GRIA1: variants seen among roughly 807,000 people sequenced by gnomAD.
GRIA1 encodes the protein glutamate receptor 1.
In GRIA1, 31 loss-of-function variants were observed where a neutral mutation model predicts 99.2. The ratio of observed to expected loss-of-function variants is 0.31; its 90% CI spans 0.23 to 0.42. GRIA1 has a LOEUF of 0.42. Ranked by LOEUF, GRIA1 falls within the 10% of genes least tolerant of loss-of-function variation. GRIA1 has a pLI of 1.00. For synonymous variants in GRIA1, 438 were observed against 432.4 expected (o/e 1.01, Z -0.16); for missense variants, 782 against 1,157.5 (o/e 0.68, Z 4.71).
intron 4 of GRIA1, among the ~76,000 whole-genome samples, chr5:153,654,369 A>G (rs894343292): frequency 2.6e-5 from 4 of 152,156 alleles, no homozygotes; most frequent in Non-Finnish European, 4.4e-5. Flanking sequence ...TGTGGGGACA[A>G]TATTTCTCCA....
chr5:153,787,843 G>A (rs1254944655), intron 13 of GRIA1, among the ~76,000 whole-genome samples: 1 of 152,092 alleles, frequency 6.6e-6, no homozygotes, highest in East Asian at 1.9e-4. Flanking sequence ...CACTTTGGGA[G>A]GCTGAGGTGG....
chr5:153,790,407 A>T (rs1765225592), intron 13 of GRIA1, among the ~76,000 whole-genome samples: 1 of 152,156 alleles, frequency 6.6e-6, no homozygotes, highest in Non-Finnish European at 1.5e-5. Context: ...AGAGAACAAA[A>T]CATTCCACAT....
chr5:153,794,407 A>G (rs893515594), intron 13 of GRIA1, among the ~76,000 whole-genome samples: 1 of 152,200 alleles, frequency 6.6e-6, no homozygotes, highest in Non-Finnish European at 1.5e-5. Context: ...TTAGGTTACA[A>G]TGACGCCTCT....
At chr5:153,639,001 G>A (rs1030009029) in intron 2 of GRIA1, among the ~76,000 whole-genome samples, 3 of 152,180 alleles carry the variant, frequency 2.0e-5, no homozygotes, top group African/African-American at 7.2e-5. Context: ...CAGAGCCTAC[G>A]GCCGAGAAAC....
chr5:153,770,727 A>G (rs985704518), intron 13 of GRIA1, among the ~76,000 whole-genome samples: 1 of 152,148 alleles, frequency 6.6e-6, no homozygotes, highest in Non-Finnish European at 1.5e-5. Flanking sequence ...GTAACACCCC[A>G]TCCTTTACCA....
chr5:153,706,364 T>C lies in GRIA1; in HGVS notation c.1823+297T>C, dbSNP rs1758897772. The stretch of plus-strand genomic sequence containing the variant: ...GTACAGAGGAAAGAAGGGAGCATTG[T>C]GTGGTACAACTAACACTTATGGAGC... On this transcript the variant is annotated intron_variant, in intron 11 of 15. Transcript: ENST00000285900. Among the ~76,000 whole-genome samples, 4 of 152,210 alleles carry C rather than the reference T, an allele frequency of 2.6e-5. No homozygotes were observed. The South Asian group carries it at 8.3e-4, about 31-fold the overall frequency.
In GRIA1 at chr5:153,788,555, C is replaced by T. The variant is rs142589026; in HGVS notation, c.2271-6066C>T. 7.2e-5 allele frequency among the ~76,000 whole-genome samples: 11 copies of T among 152,356 alleles called. No individual in the cohort carries two copies. The East Asian group carries it at 2.1e-3, about 29-fold the overall frequency. On this transcript the variant is annotated intron_variant, in intron 13 of 15. Coordinates refer to ENST00000285900, the MANE Select transcript of GRIA1 (RefSeq NM_000827.4). The stretch of plus-strand genomic sequence containing the variant: ...ATCTCTTATCACCCAACCCTCTTCT[C>T]TCTCTAGTCTCCGCTTAAATGTCAC...
intron 2 of GRIA1, among the ~76,000 whole-genome samples, chr5:153,613,043 G>A (rs971237938): frequency 3.9e-5 from 6 of 152,168 alleles, no homozygotes; most frequent in African/African-American, 1.4e-4. Flanking sequence ...GTTCCTCTGG[G>A]CTCTGGAAGG....
chr5:153,510,527 G>T (rs902655920), intron 2 of GRIA1, among the ~76,000 whole-genome samples: 3 of 152,100 alleles, frequency 2.0e-5, no homozygotes, highest in Non-Finnish European at 4.4e-5. Flanking sequence ...GAAAAAGAGT[G>T]CATGAAAGAG....
chr5:153,700,297 A>C (rs1222999798), intron 10 of GRIA1, among the ~76,000 whole-genome samples: 1 of 152,220 alleles, frequency 6.6e-6, no homozygotes, highest in Non-Finnish European at 1.5e-5. Context: ...AGGCAGGAGA[A>C]TCACTTGAAC....
chr5:153,763,668 T>G (rs1249186417), intron 11 of GRIA1, among the ~76,000 whole-genome samples: 1 of 152,232 alleles, frequency 6.6e-6, no homozygotes, highest in Admixed American at 6.5e-5. Flanking sequence ...ATCAGAGAGA[T>G]AACAGTGGAA....
chr5:153,527,887 A>T (rs1413640402), intron 2 of GRIA1, among the ~76,000 whole-genome samples: 1 of 152,216 alleles, frequency 6.6e-6, no homozygotes, highest in East Asian at 1.9e-4. Context: ...GCAGTCCTTG[A>T]TCAATTTCGT....
chr5:153,673,865 G>C (rs775386050), intron 5 of GRIA1, among the ~76,000 whole-genome samples: 8 of 152,194 alleles, frequency 5.3e-5, no homozygotes, highest in Non-Finnish European at 1.0e-4. Context: ...ATGGTTGCTG[G>C]AATTGATCAG....
chr5:153,628,033 G>A (rs957017495), intron 2 of GRIA1, among the ~76,000 whole-genome samples: 10 of 152,190 alleles, frequency 6.6e-5, no homozygotes, highest in Admixed American at 5.2e-4. Flanking sequence ...CATAACAAAC[G>A]TCTAAGCAGC....
At chr5:153,493,552 A>G (rs1754122476) in intron 1 of GRIA1, among the ~76,000 whole-genome samples, 1 of 152,118 alleles carries the variant, frequency 6.6e-6, no homozygotes, top group South Asian at 2.1e-4. Flanking sequence ...AAAATTAGAC[A>G]TGACTAGAGG....
chr5:153,582,288 C>T (rs1200131228), intron 2 of GRIA1, among the ~76,000 whole-genome samples: 1 of 152,152 alleles, frequency 6.6e-6, no homozygotes, highest in Non-Finnish European at 1.5e-5. Context: ...TTATAGCATT[C>T]AAGGGTTTTA....
intron 2 of GRIA1, among the ~76,000 whole-genome samples, chr5:153,524,164 T>G (rs1352007546): frequency 2.0e-5 from 3 of 152,060 alleles, no homozygotes; most frequent in Non-Finnish European, 4.4e-5. Context: ...CTGTCTCCAC[T>G]AAAAATACAA....
intron 11 of GRIA1, among the ~76,000 whole-genome samples, chr5:153,718,321 C>A (rs1018192509): frequency 3.3e-5 from 5 of 152,102 alleles, no homozygotes; most frequent in African/African-American, 1.2e-4. Flanking sequence ...ATGATCTGGG[C>A]TGGCTTATGG....
At chr5:153,754,434 C>T (rs1448407049) in intron 11 of GRIA1, among the ~76,000 whole-genome samples, 6 of 152,024 alleles carry the variant, frequency 3.9e-5, no homozygotes, top group Admixed American at 6.6e-5. Context: ...TAGGGACTAT[C>T]GTTCAAGGTA....
Sources: gnomAD v4.1 joint callset for allele counts (sites outside exome capture counted in the v4.1 genomes callset) on GRCh38, gnomAD v4.1.1 for gene constraint, MANE v1.5 for transcripts, NCBI Gene and HGNC (gene_info 2026-07-23, HGNC 2026-07-21) for gene names.